The following PCDHGB3 variants were observed in gnomAD, a reference collection of about 807,000 sequenced individuals.
PCDHGB3 encodes the protein protocadherin gamma-B3.
Under a neutral mutation model 59.2 loss-of-function variants are expected in PCDHGB3, and 40 were observed. That is an observed-to-expected ratio of 0.68 (90% CI 0.52 to 0.88). The LOEUF (loss-of-function observed/expected upper bound fraction) is 0.88. Ranked by LOEUF, PCDHGB3 falls within the 40% of genes least tolerant of loss-of-function variation. PCDHGB3 has a pLI of 0.00. For missense variants in PCDHGB3, 1,309 were observed against 1,187.9 expected (o/e 1.10, Z -1.50); for synonymous variants, 581 against 503.6 (o/e 1.15, Z -2.06).
At chr5:141,447,263 C>A (rs953578064) in intron 1 of PCDHGB3, among the ~76,000 whole-genome samples, 1 of 152,116 alleles carries the variant, frequency 6.6e-6, no homozygotes, top group Non-Finnish European at 1.5e-5. Context: ...TCTCAGCCTC[C>A]CAAGTAGCTG....
At chr5:141,483,179 G>C (rs2099577971) in intron 1 of PCDHGB3, among the ~76,000 whole-genome samples, 2 of 152,294 alleles carry the variant, frequency 1.3e-5, no homozygotes, top group African/African-American at 4.8e-5. Flanking sequence ...TTTGGGCCAA[G>C]CCAAGGAGTT....
chr5:141,485,221 C>G lies in PCDHGB3; in HGVS notation c.2416-9586C>G. ...GGACAGAAATCTGGCGGTGGGCTACCCTTTTGTTCCTCTTTTACCACCTGG... is the reference window on the plus strand; with the variant it reads ...GGACAGAAATCTGGCGGTGGGCTACGCTTTTGTTCCTCTTTTACCACCTGG... On this transcript the variant is annotated intron_variant, in intron 1 of 3. Transcript: ENST00000576222. The surrounding 1 kb of genome is among the most constrained non-coding windows in gnomAD (Gnocchi z 5.7). The G allele has an allele frequency of 6.2e-7, 1 of 1,614,118 alleles. No individual in the cohort carries two copies. Among genetic ancestry groups the G allele is most frequent in the Non-Finnish European group, 8.5e-7 (1 of 1,180,010 alleles).
At chr5:141,427,870 C>T (rs773176633) in intron 1 of PCDHGB3, 86 of 1,558,630 alleles carry the variant, frequency 5.5e-5, no homozygotes, top group Non-Finnish European at 4.8e-5. Context: ...TTCGAGCTCA[C>T]GATGCAGGCC....
chr5:141,372,493 C>G lies in PCDHGB3; in HGVS notation c.2099C>G (p.Ser700Ter), dbSNP rs998007585. The change falls in exon 1 of 4, where the codon TCA becomes TGA. Residue 700 changes from serine to a stop codon, truncating the protein, a stop_gained. Transcript: ENST00000576222. LOFTEE classifies it high-confidence loss of function. ...FHLVVALALI[S>*]VLFLLAVILA... ...CTAGTAGTGGCGTTGGCCTTGATCT[C>G]AGTGCTCTTCCTCCTCGCGGTGATT... is the stretch of plus-strand genomic sequence containing the variant. 5 of 1,614,058 alleles carry G rather than the reference C, an allele frequency of 3.1e-6. No individual in the cohort carries two copies. In the African/African-American group the frequency reaches 4.0e-5, roughly 13 times the overall value.
chr5:141,409,849 C>A (rs772503820), intron 1 of PCDHGB3: 1 of 1,612,106 alleles, frequency 6.2e-7, no homozygotes, highest in South Asian at 1.1e-5. Context: ...TGAGCCTGCG[C>A]GTGTTGGTGG....
intron 1 of PCDHGB3, chr5:141,389,814 G>A (rs753211260): frequency 1.2e-6 from 2 of 1,613,866 alleles, no homozygotes; most frequent in East Asian, 2.2e-5. Context: ...TCTGGTCGCC[G>A]TGCGTGACGG....
Position 141,432,617 on chromosome 5 carries a change from G to A in PCDHGB3, c.2415+59808G>A. The A allele has an allele frequency of 6.2e-7, 1 of 1,613,694 alleles. No individual in the cohort carries two copies. Among genetic ancestry groups the A allele is most frequent in the South Asian group, 1.1e-5 (1 of 91,044 alleles). On this transcript the variant is annotated intron_variant, in intron 1 of 3. Coordinates refer to ENST00000576222, the MANE Select transcript of PCDHGB3 (RefSeq NM_018924.5). This position sits in a 1 kb window ranked among gnomAD's most constrained non-coding sequence, Gnocchi z 6.0. ...CAGCGAGCCGGGACTCTTCTCGGTGGGTCTGCACACGGGCGAGGTGCGCAC... is the reference window on the plus strand; with the variant it reads ...CAGCGAGCCGGGACTCTTCTCGGTGAGTCTGCACACGGGCGAGGTGCGCAC...
chr5:141,423,603 C>G, intron 1 of PCDHGB3: 1 of 1,612,584 alleles, frequency 6.2e-7, no homozygotes. Flanking sequence ...GCGAGCCACT[C>G]TTGATAGCTG....
intron 1 of PCDHGB3, among the ~76,000 whole-genome samples, chr5:141,437,036 G>A (rs916860661): frequency 6.6e-6 from 1 of 152,294 alleles, no homozygotes; most frequent in Middle Eastern, 3.4e-3. Flanking sequence ...ATGGATCACC[G>A]AAACCAGAAG....
intron 1 of PCDHGB3, chr5:141,419,135 G>A (rs2096331504): frequency 3.1e-6 from 5 of 1,613,910 alleles, no homozygotes; most frequent in Non-Finnish European, 4.2e-6. Flanking sequence ...CGCAGCCACA[G>A]ACAGGGGCAA....
chr5:141,505,679 G>A (rs1350871637), intron 3 of PCDHGB3, among the ~76,000 whole-genome samples, 198 bp downstream of exon 3: 24 of 152,172 alleles, frequency 1.6e-4, no homozygotes, highest in Non-Finnish European at 3.5e-4. Flanking sequence ...TGGGGGTCCT[G>A]GGATGCCTGG....
chr5:141,384,922 C>A (rs760972840), intron 1 of PCDHGB3: 1 of 1,614,018 alleles, frequency 6.2e-7, no homozygotes, highest in African/African-American at 1.3e-5. Context: ...CTTGGCCGAC[C>A]TGGGCAGCCT....
At chr5:141,415,683 G>C in intron 1 of PCDHGB3, 1 of 1,517,194 alleles carries the variant, frequency 6.6e-7, no homozygotes, top group African/African-American at 1.4e-5. Flanking sequence ...TTTGCGGCAT[G>C]ATGGTGGAAA....
Position 141,485,668 on chromosome 5 carries a change from T to C in PCDHGB3, c.2416-9139T>C. 6.2e-7 allele frequency: 1 copy of C among 1,612,698 alleles called. No homozygotes were observed. The highest frequency in any genetic ancestry group is 1.3e-5 in the African/African-American group (1 of 74,972). ...CTCAGGATGCAGATGTGGGGAGCAA[T>C]TCGATTAGCAGCTATAGGCTGAGCT... On this transcript the variant is annotated intron_variant, in intron 1 of 3. Transcript: ENST00000576222. The surrounding 1 kb of genome is among the most constrained non-coding windows in gnomAD (Gnocchi z 5.7).
intron 1 of PCDHGB3, among the ~76,000 whole-genome samples, chr5:141,402,158 G>A (rs1276790302): frequency 2.0e-5 from 3 of 151,990 alleles, no homozygotes; most frequent in Non-Finnish European, 2.9e-5. Context: ...AATATTAGGC[G>A]AGAACATCTG....
Position 141,436,047 on chromosome 5 carries a change from T to G in PCDHGB3, c.2416-58760T>G, listed in dbSNP as rs141900903. On this transcript the variant is annotated intron_variant, in intron 1 of 3. Transcript: ENST00000576222. ...ATACTAAATTTGTATTTACATTAGT[T>G]TTCAAATAGAATTTAATAAGTACAG... is the stretch of plus-strand genomic sequence containing the variant. Among the ~76,000 whole-genome samples the G allele has an allele frequency of 1.0e-2, 1,517 of 152,280 alleles. 31 individuals carry two copies. The highest frequency in any genetic ancestry group is 0.034 in the African/African-American group (1,420 of 41,552).
chr5:141,465,505 G>C (rs905617997), intron 1 of PCDHGB3, among the ~76,000 whole-genome samples: 1 of 152,190 alleles, frequency 6.6e-6, no homozygotes, highest in Non-Finnish European at 1.5e-5. Context: ...CATTGTCGTG[G>C]TCAGGAAGGA....
At chr5:141,412,204 T>G (rs2095542280) in intron 1 of PCDHGB3, 1 of 152,240 alleles carries the variant, frequency 6.6e-6, no homozygotes, top group Admixed American at 6.5e-5. Context: ...ACAGGTCATT[T>G]GACATAAACA....
At chr5:141,413,513 T>C (rs1369472337) in intron 1 of PCDHGB3, 34 of 1,613,974 alleles carry the variant, frequency 2.1e-5, no homozygotes, top group Non-Finnish European at 2.9e-5. Context: ...TTTAATATCC[T>C]TGTGGAAGAC....
Sources: allele counts gnomAD v4.1 joint callset (sites outside exome capture counted in the v4.1 genomes callset), GRCh38; gene constraint gnomAD v4.1.1; non-coding constraint Gnocchi (gnomAD v3.1); transcripts MANE v1.5; gene names NCBI Gene and HGNC (gene_info 2026-07-23, HGNC 2026-07-21).